The following PPP1R12B variants were observed in gnomAD, a reference collection of about 807,000 sequenced individuals.
The protein encoded by PPP1R12B is protein phosphatase 1 regulatory subunit 12B, also known as myosin phosphatase target subunit 2.
PPP1R12B carries 76 observed loss-of-function variants against 126.1 expected under a neutral mutation model. That is an observed-to-expected ratio of 0.60 (90% CI 0.50 to 0.73). The LOEUF (loss-of-function observed/expected upper bound fraction) is 0.73, where lower values mean the gene tolerates loss of function less well. Ranked by LOEUF, PPP1R12B falls within the 30% of genes least tolerant of loss-of-function variation. The probability of loss-of-function intolerance (pLI) is 0.00; values close to 1 mark genes in which losing one functional copy is unlikely to be tolerated. For missense variants in PPP1R12B, 1,052 were observed against 1,205.1 expected (o/e 0.87, Z 1.88); for synonymous variants, 356 against 434.7 (o/e 0.82, Z 2.25).
chr1:202,565,044 C>T lies in PPP1R12B; in HGVS notation c.2757+497C>T, dbSNP rs1687930387. Among the ~76,000 whole-genome samples the T allele has an allele frequency of 6.6e-6, 1 of 152,160 alleles. No homozygotes were observed. Among genetic ancestry groups the T allele is most frequent in the Non-Finnish European group, 1.5e-5 (1 of 68,034 alleles). On this transcript the variant is annotated intron_variant, in intron 21 of 23. Transcript: ENST00000608999. The surrounding 1 kb of genome is among the most constrained non-coding windows in gnomAD (Gnocchi z 4.3). Reference sequence around the variant, plus strand: ...TGGTGCCACAACATAGGGTTAAGTCCCAAAGCAAAGATTCTGTAGCATATG... The same window carrying T: ...TGGTGCCACAACATAGGGTTAAGTCTCAAAGCAAAGATTCTGTAGCATATG...
chr1:202,467,419 C>A (rs1056861344), intron 13 of PPP1R12B, among the ~76,000 whole-genome samples: 1 of 151,960 alleles, frequency 6.6e-6, no homozygotes, highest in Non-Finnish European at 1.5e-5. Flanking sequence ...GTTCCCCTTC[C>A]TGTGTCCATG....
chr1:202,538,286 C>T (rs1490872281), intron 18 of PPP1R12B, among the ~76,000 whole-genome samples: 2 of 152,196 alleles, frequency 1.3e-5, no homozygotes, highest in African/African-American at 4.8e-5. Flanking sequence ...TGAGCCATTG[C>T]ACCTGGCAAC....
rs3817220 is a variant in PPP1R12B at position 202,495,617 on chromosome 1, A to G, written c.2383A>G (p.Ile795Val). Residue 795 changes from isoleucine (I) to valine (V), a missense_variant, in exon 17 of 24, where the codon ATC (isoleucine) becomes GTC (valine). Coordinates refer to ENST00000608999, the MANE Select transcript of PPP1R12B (RefSeq NM_002481.4). The part of the protein sequence containing the change: ...LDEQSSKRLS[I>V]RERRRPKERR... ...TGAGCAGTCCTCTAAGAGGCTGTCC[A>G]TCCGAGAGAGGAGGCGGCCCAAGGA... The G allele has an allele frequency of 6.2e-7, 1 of 1,614,200 alleles. No homozygotes were observed. The highest frequency in any genetic ancestry group is 1.7e-5 in the Admixed American group (1 of 60,012).
chr1:202,561,753 T>C (rs777704900), intron 19 of PPP1R12B, among the ~76,000 whole-genome samples: 5 of 152,208 alleles, frequency 3.3e-5, no homozygotes, highest in Non-Finnish European at 5.9e-5. Flanking sequence ...TTAGCATCTC[T>C]GTGAGTGAAA....
chr1:202,454,958 A>G (rs1673436325), intron 13 of PPP1R12B, among the ~76,000 whole-genome samples: 1 of 152,156 alleles, frequency 6.6e-6, no homozygotes, highest in Admixed American at 6.5e-5. Flanking sequence ...CTGGAGGATG[A>G]AAGAAGGCTC....
chr1:202,353,627 T>TGTGTGTGA (rs1553260724), intron 1 of PPP1R12B, among the ~76,000 whole-genome samples: 1 of 142,332 alleles, frequency 7.0e-6, no homozygotes, highest in African/African-American at 2.5e-5. Context: ...TGTGTGTGTG[T>TGTGTGTGA]GTGACAGGGT....
intron 1 of PPP1R12B, among the ~76,000 whole-genome samples, chr1:202,408,266 T>C (rs1666891415): frequency 6.7e-6 from 1 of 150,202 alleles, no homozygotes; most frequent in Non-Finnish European, 1.5e-5. Context: ...CCAGTTTCAG[T>C]CCTCAGCCAG....
intron 1 of PPP1R12B, among the ~76,000 whole-genome samples, chr1:202,406,072 C>T (rs1666561584): frequency 6.6e-6 from 1 of 152,218 alleles, no homozygotes; most frequent in Non-Finnish European, 1.5e-5. Context: ...CCCAGGCTTA[C>T]TTGACAGCTA....
intron 13 of PPP1R12B, among the ~76,000 whole-genome samples, chr1:202,484,521 G>T (rs1311268823): frequency 6.6e-6 from 1 of 152,138 alleles, no homozygotes; most frequent in East Asian, 1.9e-4. Flanking sequence ...GACTTACATA[G>T]CACCATTAAA....
intron 13 of PPP1R12B, among the ~76,000 whole-genome samples, chr1:202,469,580 G>GTTCTGT (rs1558266952): frequency 1.3e-5 from 2 of 152,112 alleles, no homozygotes; most frequent in Admixed American, 6.5e-5. Flanking sequence ...TGATTACAGT[G>GTTCTGT]ACGGTTATGA....
intron 1 of PPP1R12B, among the ~76,000 whole-genome samples, chr1:202,354,726 C>T (rs1656714884): frequency 6.6e-6 from 1 of 151,762 alleles, no homozygotes; most frequent in South Asian, 2.1e-4. Flanking sequence ...CGACTCACTG[C>T]AACCTCTGCG....
At chr1:202,528,850 C>T (rs1366435507) in intron 18 of PPP1R12B, among the ~76,000 whole-genome samples, 1 of 151,544 alleles carries the variant, frequency 6.6e-6, no homozygotes, top group Non-Finnish European at 1.5e-5. Flanking sequence ...CAAATGTATA[C>T]ATATATTTGA....
chr1:202,568,764 G>T (rs576640183), intron 22 of PPP1R12B, among the ~76,000 whole-genome samples: 2 of 152,334 alleles, frequency 1.3e-5, no homozygotes, highest in South Asian at 4.1e-4. Flanking sequence ...AATTTAGGGA[G>T]AGCATTACTG....
chr1:202,533,980 A>G (rs1684272356), intron 18 of PPP1R12B, among the ~76,000 whole-genome samples: 1 of 152,194 alleles, frequency 6.6e-6, no homozygotes, highest in Non-Finnish European at 1.5e-5. Flanking sequence ...TTGATTTTAC[A>G]GTCATGGTTG....
chr1:202,571,758 G>A (rs563738781), intron 23 of PPP1R12B, among the ~76,000 whole-genome samples: 2 of 152,000 alleles, frequency 1.3e-5, no homozygotes, highest in Non-Finnish European at 2.9e-5. Context: ...GTCTGGCCAG[G>A]ACTGATTTTT....
At chr1:202,468,886 A>G (rs1323565813) in intron 13 of PPP1R12B, among the ~76,000 whole-genome samples, 1 of 152,122 alleles carries the variant, frequency 6.6e-6, no homozygotes, top group Non-Finnish European at 1.5e-5. Flanking sequence ...CAGAGGTTGC[A>G]GTGACCACTG....
chr1:202,406,845 T>A (rs1252080859), intron 1 of PPP1R12B, among the ~76,000 whole-genome samples: 1 of 152,214 alleles, frequency 6.6e-6, no homozygotes, highest in South Asian at 2.1e-4. Context: ...AGGACTTTCT[T>A]ATATTCAAGT....
chr1:202,422,461 T>C (rs1300825068), intron 2 of PPP1R12B, among the ~76,000 whole-genome samples, 159 bp from the exon 3 acceptor site: 1 of 152,236 alleles, frequency 6.6e-6, no homozygotes, highest in Non-Finnish European at 1.5e-5. Context: ...TCTTAATTAT[T>C]GAAGTTTAAG....
chr1:202,550,728 C>T (rs768847305), intron 18 of PPP1R12B, among the ~76,000 whole-genome samples: 4 of 152,170 alleles, frequency 2.6e-5, no homozygotes, highest in Non-Finnish European at 5.9e-5. Flanking sequence ...TCCTCATTCC[C>T]CTGTTGGTCA....
Sources: gnomAD v4.1 joint callset for allele counts (sites outside exome capture counted in the v4.1 genomes callset) on GRCh38, gnomAD v4.1.1 for gene constraint, Gnocchi (gnomAD v3.1) non-coding constraint, MANE v1.5 for transcripts, NCBI Gene and HGNC (gene_info 2026-07-23, HGNC 2026-07-21) for gene names.